Variants in DST observed in about 807,000 individuals in gnomAD.
DST encodes bullous pemphigoid antigen.
A neutral mutation model predicts 875.2 loss-of-function variants in DST; 253 were observed. The observed-to-expected ratio is 0.29, with a 90% CI of 0.26 to 0.32. DST has a LOEUF of 0.32. Among genes scored for constraint, DST ranks in the 10% least tolerant of loss-of-function variants. DST has a pLI of 1.00. For synonymous variants in DST, 3,124 were observed against 3,197.1 expected (o/e 0.98, Z 0.77); for missense variants, 8,287 against 9,111.6 (o/e 0.91, Z 3.68).
Position 56,701,913 on chromosome 6 carries a change from G to C in DST, c.929C>G (p.Ala310Gly). The change falls in exon 8 of 104, where the codon GCA (alanine) becomes GGA (glycine). Residue 310 changes from alanine (A) to glycine (G), a missense_variant. Coordinates refer to ENST00000680361, the MANE Select transcript of DST (RefSeq NM_001374736.1). The stretch of plus-strand genomic sequence containing the variant: ...CTGGCGTCTTTTCAAATAGTCAAGT[G>C]CAATTTGTACATTCTGTAGTCTGTG... Reference protein sequence around the residue: ...RFHRLQNVQIALDYLKRRQVK... With the variant: ...RFHRLQNVQIGLDYLKRRQVK... 6.2e-7 allele frequency: 1 copy of C among 1,610,788 alleles called. No individual in the cohort carries two copies.
intron 4 of DST, among the ~76,000 whole-genome samples, chr6:56,778,507 A>C (rs930948299): frequency 6.6e-6 from 1 of 150,656 alleles, no homozygotes; most frequent in African/African-American, 2.4e-5. Context: ...AACATTAGGT[A>C]TATCTCCAAA....
At chr6:56,516,175 A>AAGAAAG (rs71707887) in intron 71 of DST, among the ~76,000 whole-genome samples, 68,065 of 113,910 alleles carry the variant, frequency 0.6, 17,278 homozygotes, top group African/African-American at 0.68. Flanking sequence ...GAGAAAGAGA[A>AAGAAAG]AGAAAGAGAA....
intron 37 of DST, among the ~76,000 whole-genome samples, chr6:56,612,936 G>A (rs2098557181): frequency 6.6e-6 from 1 of 152,130 alleles, no homozygotes. Flanking sequence ...GGCTGAGGCA[G>A]GAGGATCACT....
chr6:56,604,478 T>C lies in DST; in HGVS notation c.10150A>G (p.Ile3384Val), dbSNP rs771150217. 8.7e-5 allele frequency: 140 copies of C among 1,611,896 alleles called. No homozygotes were observed. In the South Asian group the frequency reaches 1.4e-3, roughly 16 times the overall value. ...CTTTTAATTAAATTTTGAATTAAAA[T>C]TTTAGTGTCTGCACAGGCTGAAGGT... ...EEPSACADTK[I>V]LIQNLIKRIT... The change falls in exon 40 of 104, where the codon ATT (isoleucine) becomes GTT (valine). Residue 3384 changes from isoleucine to valine, a missense_variant. Coordinates refer to ENST00000680361, the MANE Select transcript of DST (RefSeq NM_001374736.1).
intron 9 of DST, among the ~76,000 whole-genome samples, chr6:56,690,737 CT>C (rs2099222966): frequency 6.6e-6 from 1 of 152,270 alleles, no homozygotes; most frequent in African/African-American, 2.4e-5. Context: ...TCATTTGCAA[CT>C]AATTCTCCAA....
chr6:56,801,165 C>T (rs1395500764), intron 4 of DST, among the ~76,000 whole-genome samples: 1 of 151,830 alleles, frequency 6.6e-6, no homozygotes, highest in Non-Finnish European at 1.5e-5. Context: ...ACATAAACTC[C>T]AGATTTTATA....
chr6:56,720,297 CAG>C (rs971741921), intron 5 of DST, among the ~76,000 whole-genome samples: 9 of 151,308 alleles, frequency 5.9e-5, no homozygotes, highest in African/African-American at 2.2e-4. Flanking sequence ...CAACAGCAGT[CAG>C]AGTTTAAGGT....
intron 2 of DST, among the ~76,000 whole-genome samples, chr6:56,934,424 T>C (rs1406335828): frequency 1.3e-5 from 2 of 151,522 alleles, no homozygotes; most frequent in Admixed American, 6.6e-5. Flanking sequence ...ACTTTTGTTA[T>C]GGTCTGGGCT....
In DST at chr6:56,631,934, G is replaced by A. The variant is rs1410106222; in HGVS notation, c.3912C>T (p.Pro1304=). The change falls in exon 29 of 104, where the codon CCC becomes CCT. Residue 1304 remains proline (P), a synonymous_variant. Transcript: ENST00000680361. ...EDRLIRQIRT[P]LERDDLHESV... is the part of the protein sequence containing the mutation. ...TTTCATGCAAATCATCTCTTTCCAG[G>A]GGAGTTCGAATCTGTCTAATCAGCC... 3 of 1,613,832 alleles carry A rather than the reference G, an allele frequency of 1.9e-6. No homozygotes were observed. The highest frequency in any genetic ancestry group is 2.5e-6 in the Non-Finnish European group (3 of 1,179,870).
intron 36 of DST, 150 bp from the exon 37 acceptor site, chr6:56,614,634 A>G (rs1011023712): frequency 3.1e-6 from 4 of 1,284,392 alleles, no homozygotes; most frequent in Admixed American, 4.0e-5. Context: ...AACCATATTT[A>G]CCATGTCACA....
At chr6:56,898,378 T>C (rs1314543495) in intron 3 of DST, among the ~76,000 whole-genome samples, 1 of 152,218 alleles carries the variant, frequency 6.6e-6, no homozygotes, top group Non-Finnish European at 1.5e-5. Flanking sequence ...ATAAAGACTA[T>C]GTCTTATTAA....
intron 2 of DST, among the ~76,000 whole-genome samples, chr6:56,913,569 C>A (rs1253527447): frequency 2.0e-5 from 3 of 152,064 alleles, no homozygotes; most frequent in Admixed American, 1.3e-4. Context: ...ATATGACCTG[C>A]AAAGTCAAAA....
rs2098470110 is a variant in DST at position 56,603,879 on chromosome 6, T to C, written c.10749A>G (p.Ser3583=). 6.2e-7 allele frequency: 1 copy of C among 1,611,634 alleles called. No homozygotes were observed. Among genetic ancestry groups the C allele is most frequent in the East Asian group, 2.2e-5 (1 of 44,814 alleles). The part of the protein sequence containing the change: ...NDFPSHLECT[S]GSKEMASGDS... The stretch of plus-strand genomic sequence containing the variant: ...CTCCAGAAGCCATCTCTTTAGACCC[T>C]GAAGTACATTCCAAATGGCTTGGGA... The change falls in exon 40 of 104, where the codon TCA becomes TCG. Residue 3583 remains serine (S), a synonymous_variant. Transcript: ENST00000680361.
At chr6:56,699,315 T>A (rs1213222994) in intron 9 of DST, among the ~76,000 whole-genome samples, 1 of 152,148 alleles carries the variant, frequency 6.6e-6, no homozygotes, top group Non-Finnish European at 1.5e-5. Context: ...ACATTCTAAA[T>A]AAGGACTAAT....
At chr6:56,575,344 C>A (rs1178010112) in intron 50 of DST, among the ~76,000 whole-genome samples, 2 of 152,032 alleles carry the variant, frequency 1.3e-5, no homozygotes, top group Non-Finnish European at 2.9e-5. Flanking sequence ...TGCATATGTA[C>A]CCTCTGATTC....
chr6:56,497,601 C>T (rs1208417326), intron 81 of DST, 94 bp from the exon 82 acceptor site: 11 of 1,453,292 alleles, frequency 7.6e-6, no homozygotes, highest in African/African-American at 2.8e-5. Context: ...CTAAGCCTCT[C>T]TATGCATTCT....
At chr6:56,830,641 G>A (rs2153059678) in intron 4 of DST, among the ~76,000 whole-genome samples, 1 of 152,282 alleles carries the variant, frequency 6.6e-6, no homozygotes, top group East Asian at 1.9e-4. Context: ...ACGAAAGCAA[G>A]AGATAATAAT....
chr6:56,532,491 T>C lies in DST; in HGVS notation c.16961A>G (p.Asp5654Gly), dbSNP rs1448452400. The change falls in exon 64 of 104, where the codon GAT becomes GGT. Residue 5654 changes from aspartate to glycine, a missense_variant. By Grantham distance (94) the Asp-to-Gly change is moderately conservative (BLOSUM62 -1). This residue lies in a region of DST where 777 missense variants were observed against 764.8 expected (regional missense o/e 1.02). Transcript: ENST00000680361. ...TACCTCCACCGTAGATTTTCGGTCA[T>C]CCAACAATCTCTGGAGAAGCTTGAG... The part of the protein sequence containing the change: ...QEQKLLQRLL[D>G]DRKSTVEVIK... 6.2e-7 allele frequency: 1 copy of C among 1,601,382 alleles called. No homozygotes were observed. Among genetic ancestry groups the C allele is most frequent in the Non-Finnish European group, 8.5e-7 (1 of 1,173,576 alleles).
chr6:56,487,387 CTTA>C, intron 86 of DST, 114 bp from the exon 87 acceptor site: 27 of 924,464 alleles, frequency 2.9e-5, no homozygotes, highest in Non-Finnish European at 3.9e-5. Flanking sequence ...TGCTTTCTGA[CTTA>C]TAATGACTTG....
Sources: allele counts gnomAD v4.1 joint callset (sites outside exome capture counted in the v4.1 genomes callset), GRCh38; gene constraint gnomAD v4.1.1; regional missense constraint gnomAD v4.1.1; transcripts MANE v1.5; gene names NCBI Gene and HGNC (gene_info 2026-07-23, HGNC 2026-07-21).